Variants in KIF1A observed in about 807,000 individuals in gnomAD.
KIF1A encodes kinesin-like protein KIF1A.
KIF1A carries 46 observed loss-of-function variants against 227.3 expected under a neutral mutation model. The observed-to-expected ratio is 0.20, with a 90% CI of 0.16 to 0.26. The LOEUF (loss-of-function observed/expected upper bound fraction) is 0.26. Among genes scored for constraint, KIF1A ranks in the 10% least tolerant of loss-of-function variants. The probability of loss-of-function intolerance (pLI) is 1.00; values close to 1 mark genes in which losing one functional copy is unlikely to be tolerated. For synonymous variants in KIF1A, 1,022 were observed against 1,012.8 expected (o/e 1.01, Z -0.17); for missense variants, 1,683 against 2,485.9 (o/e 0.68, Z 6.87).
At chr2:240,786,822 G>A (rs2054979329) in intron 5 of KIF1A, among the ~76,000 whole-genome samples, 1 of 148,716 alleles carries the variant, frequency 6.7e-6, no homozygotes, top group Non-Finnish European at 1.5e-5. Flanking sequence ...ACCCCTGAGT[G>A]AGAGGGTGGG....
In KIF1A at chr2:240,739,435, A is replaced by T. The variant is rs539449188; in HGVS notation, c.3901+623T>A. On this transcript the variant is annotated intron_variant, in intron 37 of 48. Coordinates refer to ENST00000498729, the MANE Select transcript of KIF1A (RefSeq NM_001244008.2). This position sits in a 1 kb window ranked among gnomAD's most constrained non-coding sequence, Gnocchi z 5.6. ...TGTGTCCCCGAAAAATATACGTGGA[A>T]GTCCTAACCTCCAGGACCTTCAAAG... Among the ~76,000 whole-genome samples the T allele has an allele frequency of 3.9e-5, 6 of 152,362 alleles. No individual in the cohort carries two copies. In the South Asian group the frequency reaches 1.0e-3, roughly 26 times the overall value.
chr2:240,759,252 G>A (rs2050224148), intron 25 of KIF1A, among the ~76,000 whole-genome samples: 1 of 151,922 alleles, frequency 6.6e-6, no homozygotes, highest in African/African-American at 2.4e-5. Context: ...TCCTTGGGGG[G>A]CACTGCAGGC....
intron 25 of KIF1A, among the ~76,000 whole-genome samples, chr2:240,760,021 G>GAAA (rs397967291): frequency 5.2e-5 from 7 of 135,554 alleles, no homozygotes; most frequent in African/African-American, 1.9e-4. Flanking sequence ...GTCTCTTAAA[G>GAAA]AAAAAAAAAA....
chr2:240,716,166 C>T lies in KIF1A; in HGVS notation c.*1198G>A, dbSNP rs2044580507. 6.6e-6 allele frequency: 1 copy of T among 152,140 alleles called. No homozygotes were observed. The highest frequency in any genetic ancestry group is 2.1e-4 in the South Asian group (1 of 4,790). The allele number at this position is 152,140 out of a possible 1,614,324, so 9.4% of individuals were successfully genotyped here. A position where few individuals can be genotyped will look rare whatever the true frequency, so the allele number is the denominator to read the frequency against. On this transcript the variant is annotated 3_prime_UTR_variant, in exon 49 of 49. Transcript: ENST00000498729. ...AGACAATAACCACCAAGCCAGCCACCCTCCATTGCCGACCGACCAGGATAC... is the reference window on the plus strand; with the variant it reads ...AGACAATAACCACCAAGCCAGCCACTCTCCATTGCCGACCGACCAGGATAC...
At chr2:240,733,839 C>T (rs1441386086) in intron 38 of KIF1A, among the ~76,000 whole-genome samples, 9 of 152,314 alleles carry the variant, frequency 5.9e-5, no homozygotes, top group Middle Eastern at 3.4e-3. Flanking sequence ...ACTGCCGTGA[C>T]GCTGGCCACA....
At chr2:240,785,151 C>G in intron 6 of KIF1A, 51 bp from the exon 7 acceptor site, 1 of 1,460,944 alleles carries the variant, frequency 6.8e-7, no homozygotes, top group South Asian at 1.2e-5. Context: ...TGGCCGGGTG[C>G]GAGATCGCCG....
At position 240,757,553 on chromosome 2, in the gene KIF1A, G is replaced by A. The variant is rs2050011249; in HGVS notation, c.2624C>T (p.Thr875Ile). ...SGCNSYPLLNTCMSERMAALT... is the reference protein window; with the variant it reads ...SGCNSYPLLNICMSERMAALT... ...AGCAGCCATGCGCTCGCTCATGCAT[G>A]TGTTGAGAAGAGGGTAGCTGTTGCA... The change falls in exon 27 of 49, where the codon ACA becomes ATA. Residue 875 changes from threonine (T) to isoleucine (I), a missense_variant. Thr to Ile is a moderately conservative substitution (Grantham distance 89). This residue lies in a region of KIF1A where 759 missense variants were observed against 1,020.2 expected (regional missense o/e 0.74). Coordinates refer to ENST00000498729, the MANE Select transcript of KIF1A (RefSeq NM_001244008.2). This position sits in a 1 kb window ranked among gnomAD's most constrained non-coding sequence, Gnocchi z 6.2. 1 of 1,550,556 alleles carries A rather than the reference G, an allele frequency of 6.4e-7. No homozygotes were observed. Among genetic ancestry groups the A allele is most frequent in the Non-Finnish European group, 8.7e-7 (1 of 1,147,028 alleles).
At chr2:240,780,806 A>ACACAGCTC (rs2053610301) in intron 10 of KIF1A, among the ~76,000 whole-genome samples, 3 of 87,050 alleles carry the variant, frequency 3.4e-5, no homozygotes, top group African/African-American at 1.5e-4. Flanking sequence ...CTCCACACAC[A>ACACAGCTC]CACACACACA....
At position 240,772,601 on chromosome 2, in the gene KIF1A, G is replaced by T; in HGVS notation, c.1181-5C>A. On this transcript the variant is annotated splice_polypyrimidine_tract_variant and splice_region_variant and intron_variant, in intron 13 of 48. Transcript: ENST00000498729. Reference sequence around the variant, plus strand: ...GTCCTCCAGGCACAGTGTTGGCTATGGGGGAGGGAAGCGTGGGGGAGGGGG... The same window carrying T: ...GTCCTCCAGGCACAGTGTTGGCTATTGGGGAGGGAAGCGTGGGGGAGGGGG... 1 of 1,545,766 alleles carries T rather than the reference G, an allele frequency of 6.5e-7. No homozygotes were observed. The highest frequency in any genetic ancestry group is 8.8e-7 in the Non-Finnish European group (1 of 1,142,774).
rs528911507 is a variant in KIF1A at position 240,788,600 on chromosome 2, C to T, written c.184-370G>A. On this transcript the variant is annotated intron_variant, in intron 3 of 48. Coordinates refer to ENST00000498729, the MANE Select transcript of KIF1A (RefSeq NM_001244008.2). This position sits in a 1 kb window ranked among gnomAD's most constrained non-coding sequence, Gnocchi z 6.6. ...AGGGTGCAAAGGCCCAGAGACCCCA[C>T]AGGCTGGGCTACAGCGCCTGGACAC... 9.9e-5 allele frequency among the ~76,000 whole-genome samples: 15 copies of T among 152,198 alleles called. No homozygotes were observed. The East Asian group carries it at 2.9e-3, about 29-fold the overall frequency.
intron 1 of KIF1A, among the ~76,000 whole-genome samples, chr2:240,804,490 T>A (rs2057221736): frequency 6.6e-6 from 1 of 152,154 alleles, no homozygotes; most frequent in African/African-American, 2.4e-5. Context: ...CTACAGGCAT[T>A]TGGTGATACC....
At chr2:240,719,224 G>T in intron 46 of KIF1A, 26 bp from the exon 47 acceptor site, 1 of 1,582,126 alleles carries the variant, frequency 6.3e-7, no homozygotes. Context: ...GCTGCTCGCT[G>T]GGGCCCTCGG....
At position 240,772,598 on chromosome 2, in the gene KIF1A, T is replaced by A; in HGVS notation, c.1181-2A>T. ...TGGGTCCTCCAGGCACAGTGTTGGCTATGGGGGAGGGAAGCGTGGGGGAGG... is the reference window on the plus strand; with the variant it reads ...TGGGTCCTCCAGGCACAGTGTTGGCAATGGGGGAGGGAAGCGTGGGGGAGG... On this transcript the variant is annotated splice_acceptor_variant, in intron 13 of 48. Coordinates refer to ENST00000498729, the MANE Select transcript of KIF1A (RefSeq NM_001244008.2). LOFTEE classifies it high-confidence loss of function. 1 of 1,546,062 alleles carries A rather than the reference T, an allele frequency of 6.5e-7. No individual in the cohort carries two copies.
intron 2 of KIF1A, among the ~76,000 whole-genome samples, chr2:240,796,239 C>T (rs1440041177): frequency 1.3e-5 from 2 of 152,198 alleles, no homozygotes; most frequent in East Asian, 1.9e-4. Context: ...CACAGCTCTG[C>T]GCAGCCTGAG....
At chr2:240,735,020 G>A (rs1233934820) in intron 38 of KIF1A, among the ~76,000 whole-genome samples, 2 of 152,204 alleles carry the variant, frequency 1.3e-5, no homozygotes, top group Admixed American at 6.5e-5. Context: ...TGGGGCTGAG[G>A]ACGCCAGCAC....
chr2:240,787,251 C>T lies in KIF1A; in HGVS notation c.429G>A (p.Glu143=). The T allele has an allele frequency of 6.2e-7, 1 of 1,612,154 alleles. No individual in the cohort carries two copies. Among genetic ancestry groups the T allele is most frequent in the Non-Finnish European group, 8.5e-7 (1 of 1,178,748 alleles). ...GCCAACGGCAGGCGGGGAGCCCTAC[C>T]TCCACGGAGTAGGACATGTTGTCGT... ...TTNDNMSYSV[E]VSYMEIYCER... is the part of the protein sequence containing the mutation. Residue 143 remains glutamate (E), a splice_region_variant and synonymous_variant, in exon 5 of 49, where the codon GAG becomes GAA. Coordinates refer to ENST00000498729, the MANE Select transcript of KIF1A (RefSeq NM_001244008.2).
chr2:240,737,224 G>C (rs908048569), intron 37 of KIF1A, 56 bp from the exon 38 acceptor site: 57 of 1,421,280 alleles, frequency 4.0e-5, no homozygotes, highest in Non-Finnish European at 5.7e-5. Context: ...TGGGACCCTG[G>C]GGGGCTGCCT....
At chr2:240,721,298 G>T (rs1355425689) in intron 44 of KIF1A, among the ~76,000 whole-genome samples, 1 of 152,240 alleles carries the variant, frequency 6.6e-6, no homozygotes, top group Non-Finnish European at 1.5e-5. Context: ...CGAGGAGTGG[G>T]CTGGGTAAGC....
At chr2:240,784,961 G>C in intron 7 of KIF1A, 28 bp downstream of exon 7, 1 of 1,581,964 alleles carries the variant, frequency 6.3e-7, no homozygotes, top group Non-Finnish European at 8.7e-7. Context: ...TGCCCTTGGT[G>C]GCACCGCCTG....
Sources: allele counts gnomAD v4.1 joint callset (sites outside exome capture counted in the v4.1 genomes callset), GRCh38; gene constraint gnomAD v4.1.1; regional missense constraint gnomAD v4.1.1; non-coding constraint Gnocchi (gnomAD v3.1); transcripts MANE v1.5; gene names NCBI Gene and HGNC (gene_info 2026-07-23, HGNC 2026-07-21).